Variants in PBX1 observed in about 807,000 individuals in gnomAD.
PBX1 encodes the protein pre-B-cell leukemia transcription factor 1.
PBX1 carries 6 observed loss-of-function variants against 53.4 expected under a neutral mutation model. The observed-to-expected ratio is 0.11, with a 90% CI of 0.06 to 0.22. The LOEUF is 0.22. PBX1 is among the 10% of genes least tolerant of loss of function. PBX1 has a pLI of 1.00. For synonymous variants in PBX1, 204 were observed against 212.3 expected, an observed-to-expected ratio of 0.96 and a Z score of 0.34; for missense variants, 251 against 551.4, an observed-to-expected ratio of 0.46 and a Z score of 5.46.
chr1:164,565,734 G>A (rs1047902370), intron 2 of PBX1, among the ~76,000 whole-genome samples: 2 of 149,926 alleles, frequency 1.3e-5, no homozygotes, highest in African/African-American at 2.4e-5. Flanking sequence ...CAAAGTGTCT[G>A]TAAAGTTGCA....
intron 2 of PBX1, among the ~76,000 whole-genome samples, chr1:164,689,069 G>A (rs1390963147): frequency 6.6e-6 from 1 of 152,248 alleles, no homozygotes; most frequent in Non-Finnish European, 1.5e-5. Context: ...TGGGGAATGA[G>A]TAATTGGGAC....
chr1:164,786,980 C>T (rs917204622), intron 2 of PBX1, among the ~76,000 whole-genome samples: 1 of 152,138 alleles, frequency 6.6e-6, no homozygotes, highest in African/African-American at 2.4e-5. Context: ...CGTGCAAGTA[C>T]TTTATGAACA....
chr1:164,834,795 G>A (rs1202645066), intron 8 of PBX1, among the ~76,000 whole-genome samples: 1 of 152,228 alleles, frequency 6.6e-6, no homozygotes, highest in Non-Finnish European at 1.5e-5. Flanking sequence ...CCTAAGACCT[G>A]TGGTTGGCTA....
At chr1:164,613,745 T>C (rs1470298449) in intron 2 of PBX1, among the ~76,000 whole-genome samples, 1 of 152,210 alleles carries the variant, frequency 6.6e-6, no homozygotes, top group African/African-American at 2.4e-5. Flanking sequence ...CCTTCTCTTC[T>C]GGTGAGAGTG....
chr1:164,614,761 A>G (rs77953096), intron 2 of PBX1, among the ~76,000 whole-genome samples: 2,122 of 152,236 alleles, frequency 0.014, 18 homozygotes, highest in Middle Eastern at 0.024. Flanking sequence ...TTCCCTGGTC[A>G]TGTCAGTTGA....
At chr1:164,853,652 G>A (rs1470390686), downstream of PBX1, among the ~76,000 whole-genome samples, 1 of 152,150 alleles carries the variant, frequency 6.6e-6, no homozygotes, top group East Asian at 1.9e-4. Context: ...TTTCTAGCGT[G>A]CCTTAGCACC....
At chr1:164,575,910 G>C (rs937494602) in intron 2 of PBX1, among the ~76,000 whole-genome samples, 2 of 152,122 alleles carry the variant, frequency 1.3e-5, no homozygotes, top group Admixed American at 6.5e-5. Flanking sequence ...GCAGCACCAA[G>C]TATAAAGGCC....
intron 4 of PBX1, among the ~76,000 whole-genome samples, chr1:164,801,833 C>T (rs990725665): frequency 3.9e-5 from 6 of 152,230 alleles, no homozygotes; most frequent in Non-Finnish European, 8.8e-5. Context: ...AGTGAAAGAA[C>T]ATGACCCCAA....
chr1:164,874,974 C>T (rs1307861218), intron 2 of PBX1, among the ~76,000 whole-genome samples: 1 of 152,274 alleles, frequency 6.6e-6, no homozygotes, highest in African/African-American at 2.4e-5. Flanking sequence ...TACAGGGAGA[C>T]TAAAGACGTA....
intron 2 of PBX1, among the ~76,000 whole-genome samples, chr1:164,729,707 C>G (rs1664882907): frequency 6.6e-6 from 1 of 152,112 alleles, no homozygotes; most frequent in African/African-American, 2.4e-5. Flanking sequence ...GGTCACACAG[C>G]TTATAAGTGG....
chr1:164,652,318 G>C (rs1207441170), intron 2 of PBX1, among the ~76,000 whole-genome samples: 2 of 151,990 alleles, frequency 1.3e-5, no homozygotes, highest in Admixed American at 1.3e-4. Context: ...CCCCTGTGGG[G>C]GTACTCTAGC....
intron 2 of PBX1, among the ~76,000 whole-genome samples, chr1:164,573,520 C>G (rs1214230102): frequency 3.2e-5 from 4 of 125,042 alleles, no homozygotes; most frequent in African/African-American, 6.1e-5. Context: ...AAGACAGTGT[C>G]TCTCTCTGTC....
chr1:164,776,421 A>C (rs1020500923), intron 2 of PBX1, among the ~76,000 whole-genome samples: 1 of 152,178 alleles, frequency 6.6e-6, no homozygotes, highest in Non-Finnish European at 1.5e-5. Flanking sequence ...CTATGTCCTC[A>C]CTGCTGAGAC....
At chr1:164,670,464 G>T (rs1661052268) in intron 2 of PBX1, among the ~76,000 whole-genome samples, 1 of 152,120 alleles carries the variant, frequency 6.6e-6, no homozygotes, top group Non-Finnish European at 1.5e-5. Context: ...CACCCCGTGT[G>T]ACTCCTGTAT....
intron 2 of PBX1, among the ~76,000 whole-genome samples, chr1:164,757,967 T>C (rs1309714159): frequency 6.6e-6 from 1 of 152,238 alleles, no homozygotes; most frequent in Non-Finnish European, 1.5e-5. Context: ...TTTAAAATTG[T>C]ACCTCATGGC....
chr1:164,781,786 T>C lies in PBX1; in HGVS notation c.266-10708T>C, dbSNP rs73029032. ...GCCCCTCTAATGACCAAGGTCTCTTTGATCTGTTCTAAAACCTCCTCTTTT... is the reference window on the plus strand; with the variant it reads ...GCCCCTCTAATGACCAAGGTCTCTTCGATCTGTTCTAAAACCTCCTCTTTT... On this transcript the variant is annotated intron_variant, in intron 2 of 8. Transcript: ENST00000420696. Among the ~76,000 whole-genome samples, 935 of 152,322 alleles carry C rather than the reference T, an allele frequency of 6.1e-3. 14 individuals are homozygous for C. The highest frequency in any genetic ancestry group is 0.021 in the African/African-American group (886 of 41,558).
chr1:164,697,450 T>G (rs552971947), intron 2 of PBX1, among the ~76,000 whole-genome samples: 40 of 152,254 alleles, frequency 2.6e-4, no homozygotes, highest in Non-Finnish European at 4.1e-4. Context: ...TTTTCTATTC[T>G]ATGTCAACCC....
Position 164,643,116 on chromosome 1 carries a change from G to C in PBX1, c.265+79805G>C, listed in dbSNP as rs931418784. ...AGCTTGAGGCTGGTTTAACCTTGAT[G>C]AAACAGTGATTTCACCAAGGATGAT... On this transcript the variant is annotated intron_variant, in intron 2 of 8. Transcript: ENST00000420696. 1.2e-4 allele frequency among the ~76,000 whole-genome samples: 18 copies of C among 152,150 alleles called. 1 individual carries two copies. The highest frequency in any genetic ancestry group is 4.3e-4 in the African/African-American group (18 of 41,448).
At chr1:164,745,133 C>T (rs114515848) in intron 2 of PBX1, among the ~76,000 whole-genome samples, 1,724 of 152,180 alleles carry the variant, frequency 0.011, 32 homozygotes, top group African/African-American at 0.04. Context: ...TATTTTTTTC[C>T]GCTATGCCAC....
Sources: allele counts gnomAD v4.1 joint callset (sites outside exome capture counted in the v4.1 genomes callset), GRCh38; gene constraint gnomAD v4.1.1; transcripts MANE v1.5; gene names NCBI Gene and HGNC (gene_info 2026-07-23, HGNC 2026-07-21).